The following LMO2 variants were observed in gnomAD, a reference collection of about 807,000 sequenced individuals.
The protein encoded by LMO2 is LIM domain only 2.
In LMO2, 20 loss-of-function variants were observed where a neutral mutation model predicts 23.2. That is an observed-to-expected ratio of 0.86 (90% confidence interval 0.61 to 1.25). LMO2 has a LOEUF of 1.25. Ranked by LOEUF, LMO2 falls within the 50% of genes most tolerant of loss-of-function variation. The pLI, the probability that LMO2 is intolerant of heterozygous loss-of-function variation, is 0.00. For missense variants in LMO2, 270 were observed against 315.3 expected, an observed-to-expected ratio of 0.86 and a Z score of 1.09; for synonymous variants, 123 against 130.2, an observed-to-expected ratio of 0.94 and a Z score of 0.38.
In LMO2 at chr11:33,882,596, T is replaced by C. The variant is rs558712598; in HGVS notation, c.-335-709A>G. ...ACACCGTATTACCTAGCGGCATTTA[T>C]TGGATTTGTCTCTTGAGTGATTCAA... On this transcript the variant is annotated intron_variant, in intron 1 of 5. Coordinates refer to ENST00000257818, the MANE Select transcript of LMO2 (RefSeq NM_005574.4). 6.7e-4 allele frequency among the ~76,000 whole-genome samples: 102 copies of C among 152,344 alleles called. 1 individual carries two copies. In the South Asian group the frequency reaches 9.1e-3, roughly 14 times the overall value.
rs186501933 is a variant in LMO2 at position 33,886,504 on chromosome 11, G to T, written c.-335-4617C>A. On this transcript the variant is annotated intron_variant, in intron 1 of 5. Coordinates refer to ENST00000257818, the MANE Select transcript of LMO2 (RefSeq NM_005574.4). ...GACACTGTGGGTGCAGTATTGCCGA[G>T]GTGTCCCAGCGCTGAGTAGGGAAAC... 6.4e-4 allele frequency among the ~76,000 whole-genome samples: 97 copies of T among 152,262 alleles called. 1 individual carries two copies. The highest frequency in any genetic ancestry group is 1.1e-3 in the Non-Finnish European group (78 of 68,018).
chr11:33,870,008 A>G (rs563133549), intron 2 of LMO2, 21 bp from the exon 3 acceptor site: 4 of 948,238 alleles, frequency 4.2e-6, no homozygotes, highest in African/African-American at 3.6e-5. Flanking sequence ...TTCAAATACA[A>G]TAGAAGGAAA....
intron 4 of LMO2, among the ~76,000 whole-genome samples, chr11:33,867,662 C>T (rs1049491550): frequency 3.9e-5 from 6 of 152,158 alleles, no homozygotes; most frequent in Non-Finnish European, 7.3e-5. Context: ...AATCTGTCTT[C>T]GTTGGGCAAA....
rs1309653499 is a variant in LMO2, at chr11:33,869,496, CCGCCGT to C, written c.92_97del (p.Asp31_Gly32del). On this transcript the variant is annotated inframe_deletion, in exon 4 of 6. Transcript: ENST00000257818. ...GGGTGCTCGGGCGCCGCCGCCGCCG[CCGCCGT>C]CGCCGCCGCTCCTGCGCCTCCGCTT... The C allele has an allele frequency of 2.5e-6, 3 of 1,202,400 alleles. No individual in the cohort carries two copies. Among genetic ancestry groups the C allele is most frequent in the African/African-American group, 1.6e-5 (1 of 61,468 alleles). The allele number at this position is 1,202,400 out of a possible 1,614,324, so 74.5% of individuals were successfully genotyped here.
chr11:33,867,679 A>G (rs1183215752), intron 4 of LMO2, among the ~76,000 whole-genome samples: 1 of 152,202 alleles, frequency 6.6e-6, no homozygotes, highest in Non-Finnish European at 1.5e-5. Context: ...CAAATAGTGA[A>G]GTGAAGGAAG....
intron 2 of LMO2, among the ~76,000 whole-genome samples, chr11:33,875,145 C>T (rs151133943): frequency 2.9e-4 from 44 of 152,310 alleles, no homozygotes; most frequent in African/African-American, 7.9e-4. Flanking sequence ...ATCTGTAAAG[C>T]GGGAGTATTC....
At chr11:33,874,578 ATTACCCCATCTTT>A (rs1857093235) in intron 2 of LMO2, among the ~76,000 whole-genome samples, 5 of 152,350 alleles carry the variant, frequency 3.3e-5, no homozygotes, top group Non-Finnish European at 7.3e-5. Flanking sequence ...AGCTGTTGGT[ATTACCCCATCTTT>A]CAGAAGTAAT....
At chr11:33,860,334 G>A (rs1042528837) in intron 5 of LMO2, among the ~76,000 whole-genome samples, 2 of 152,224 alleles carry the variant, frequency 1.3e-5, no homozygotes, top group Admixed American at 6.5e-5. Flanking sequence ...CCAAGCCTCA[G>A]TTGATCAGTC....
At position 33,859,345 on chromosome 11, in the gene LMO2, G is replaced by A. The variant is rs370227166; in HGVS notation, c.*11C>T. 1.0e-5 allele frequency: 16 copies of A among 1,599,766 alleles called. No homozygotes were observed. In the African/African-American group the frequency reaches 1.9e-4, roughly 19 times the overall value. On this transcript the variant is annotated 3_prime_UTR_variant, in exon 6 of 6. Coordinates refer to ENST00000257818, the MANE Select transcript of LMO2 (RefSeq NM_005574.4). ...GTGAACACCTCCCCAAAGATGCCCGGGGACTCGGGCCTATATCATCCCATT... is the reference window on the plus strand; with the variant it reads ...GTGAACACCTCCCCAAAGATGCCCGAGGACTCGGGCCTATATCATCCCATT...
intron 2 of LMO2, chr11:33,881,214 T>C (rs999822444): frequency 8.8e-6 from 4 of 457,054 alleles, no homozygotes; most frequent in Non-Finnish European, 1.8e-5. Flanking sequence ...TGCTGACTCC[T>C]CTCACGCTTT....
At position 33,869,683 on chromosome 11, in the gene LMO2, A is replaced by AGCTGCT. The variant is rs553052789; in HGVS notation, c.7+21_7+26dup. On this transcript the variant is annotated intron_variant, in intron 3 of 5. Coordinates refer to ENST00000257818, the MANE Select transcript of LMO2 (RefSeq NM_005574.4). ...GCGCAGCCTGGCTCCAGGCGGCTGC[A>AGCTGCT]GCTGCTGCTGCTGCTCAGGACTTAA... 3.3e-4 allele frequency: 420 copies of AGCTGCT among 1,271,714 alleles called. 1 individual carries two copies. The highest frequency in any genetic ancestry group is 3.2e-3 in the African/African-American group (200 of 62,852). 78.8% of individuals were successfully genotyped at this position (1,271,714 alleles called of 1,614,324 possible).
intron 4 of LMO2, among the ~76,000 whole-genome samples, chr11:33,868,321 A>G (rs896525760): frequency 2.0e-5 from 3 of 152,252 alleles, no homozygotes; most frequent in Admixed American, 6.5e-5. Flanking sequence ...AAGAAAAAAC[A>G]AAACAAATGT....
At chr11:33,884,272 T>A (rs973374691) in intron 1 of LMO2, among the ~76,000 whole-genome samples, 3 of 150,866 alleles carry the variant, frequency 2.0e-5, no homozygotes, top group Non-Finnish European at 4.4e-5. Flanking sequence ...CGAGAGGAGG[T>A]AGTGGGGGAA....
intron 1 of LMO2, among the ~76,000 whole-genome samples, chr11:33,882,480 C>G (rs909348284): frequency 2.0e-5 from 3 of 152,166 alleles, no homozygotes; most frequent in African/African-American, 7.2e-5. Flanking sequence ...ACCCTTGTTC[C>G]TTAGACTCGG....
chr11:33,874,953 G>A lies in LMO2; in HGVS notation c.-271-4966C>T, dbSNP rs116888169. ...CTCAGTGAGTTCTTAGCAGTGTTAA[G>A]CTCATAGTGTGTCCTAGTGGAAGGG... is the stretch of plus-strand genomic sequence containing the variant. On this transcript the variant is annotated intron_variant, in intron 2 of 5. Coordinates refer to ENST00000257818, the MANE Select transcript of LMO2 (RefSeq NM_005574.4). Among the ~76,000 whole-genome samples the A allele has an allele frequency of 4.9e-3, 748 of 152,378 alleles. 4 individuals carry two copies. The highest frequency in any genetic ancestry group is 9.3e-3 in the Non-Finnish European group (632 of 68,038).
At chr11:33,862,399 C>T (rs1406678702) in intron 5 of LMO2, among the ~76,000 whole-genome samples, 3 of 152,194 alleles carry the variant, frequency 2.0e-5, no homozygotes, top group Non-Finnish European at 2.9e-5. Context: ...CCACCACTCC[C>T]AGCACACAAG....
At chr11:33,861,003 C>CCTGG (rs777213229) in intron 5 of LMO2, among the ~76,000 whole-genome samples, 1 of 152,122 alleles carries the variant, frequency 6.6e-6, no homozygotes, top group Non-Finnish European at 1.5e-5. Flanking sequence ...CCTGAGTGAC[C>CCTGG]CTGGAGAGAC....
At chr11:33,888,129 A>T (rs1857457708) in intron 1 of LMO2, among the ~76,000 whole-genome samples, 1 of 152,238 alleles carries the variant, frequency 6.6e-6, no homozygotes, top group South Asian at 2.1e-4. Flanking sequence ...ATAGCCAGGC[A>T]GCTGCAGGGC....
At chr11:33,887,369 C>T (rs970384665) in intron 1 of LMO2, among the ~76,000 whole-genome samples, 7 of 152,298 alleles carry the variant, frequency 4.6e-5, no homozygotes, top group Non-Finnish European at 8.8e-5. Context: ...AATTTTCCAT[C>T]ATGAGTGTGG....
Sources: allele counts gnomAD v4.1 joint callset (sites outside exome capture counted in the v4.1 genomes callset), GRCh38; gene constraint gnomAD v4.1.1; transcripts MANE v1.5; gene names NCBI Gene and HGNC (gene_info 2026-07-23, HGNC 2026-07-21).